Variants in PTPN13 observed in about 807,000 individuals in gnomAD.
PTPN13 encodes protein tyrosine phosphatase non-receptor type 13, also known as tyrosine-protein phosphatase non-receptor type 13.
In PTPN13, 191 loss-of-function variants were observed where a neutral mutation model predicts 284.0. The observed-to-expected ratio is 0.67, with a 90% CI of 0.60 to 0.76. The LOEUF is 0.76. Ranked by LOEUF, PTPN13 falls within the 30% of genes least tolerant of loss-of-function variation. PTPN13 has a pLI of 0.00. For synonymous variants in PTPN13, 986 were observed against 1,022.3 expected, an observed-to-expected ratio of 0.96 and a Z score of 0.68; for missense variants, 2,797 against 2,939.9, an observed-to-expected ratio of 0.95 and a Z score of 1.12.
At position 86,807,833 on chromosome 4, in the gene PTPN13, C is replaced by A; in HGVS notation, c.7019C>A (p.Ala2340Asp). 6.2e-7 allele frequency: 1 copy of A among 1,613,998 alleles called. No individual in the cohort carries two copies. Among genetic ancestry groups the A allele is most frequent in the Non-Finnish European group, 8.5e-7 (1 of 1,179,894 alleles). Residue 2340 changes from alanine (A) to aspartate (D), a missense_variant, in exon 45 of 48, where the codon GCT becomes GAT. Ala to Asp is a moderately radical substitution (Grantham distance 126). Coordinates refer to ENST00000411767, the MANE Select transcript of PTPN13 (RefSeq NM_080683.3). ...ATGGTCAGCAACAGACTTCGACTGG[C>A]TCTTGTGAGAATGCAGCAGCTGAAG... ...TTMVSNRLRL[A>D]LVRMQQLKGF...
chr4:86,779,095 A>G (rs888160674), intron 35 of PTPN13, among the ~76,000 whole-genome samples: 6 of 151,944 alleles, frequency 3.9e-5, no homozygotes, highest in African/African-American at 1.4e-4. Flanking sequence ...ACAAAGAAAA[A>G]CAGAGATAAT....
Position 86,771,174 on chromosome 4 carries a change from C to A in PTPN13, c.4807C>A (p.Pro1603Thr). ...LPEIDTALLT[P>T]LQSPAQVLPN... The stretch of plus-strand genomic sequence containing the variant: ...TCTTTAAATGTGTCCATTACAGACC[C>A]CACTTCAGTCTCCAGCACAAGTACT... Residue 1603 changes from proline (P) to threonine (T), a missense_variant, in exon 31 of 48, where the codon CCA becomes ACA. By Grantham distance (38) the Pro-to-Thr change is conservative. Coordinates refer to ENST00000411767, the MANE Select transcript of PTPN13 (RefSeq NM_080683.3). 6.2e-7 allele frequency: 1 copy of A among 1,607,814 alleles called. No individual in the cohort carries two copies. Among genetic ancestry groups the A allele is most frequent in the Non-Finnish European group, 8.5e-7 (1 of 1,176,624 alleles).
chr4:86,811,186 TTC>T (rs1745183557), intron 47 of PTPN13, 78 bp downstream of exon 47: 2 of 1,378,428 alleles, frequency 1.5e-6, no homozygotes, highest in Non-Finnish European at 9.8e-7. Flanking sequence ...TAAACCATTT[TTC>T]TTTTTTGAGA....
At chr4:86,618,944 G>A (rs1248427759) in intron 1 of PTPN13, among the ~76,000 whole-genome samples, 1 of 152,134 alleles carries the variant, frequency 6.6e-6, no homozygotes, top group Non-Finnish European at 1.5e-5. Context: ...GATTGCCCCT[G>A]GCCAGAACTT....
chr4:86,808,267 A>G (rs1391589018), intron 45 of PTPN13, among the ~76,000 whole-genome samples: 1 of 152,230 alleles, frequency 6.6e-6, no homozygotes, highest in Non-Finnish European at 1.5e-5. Context: ...TAAAATCTTT[A>G]AGTAGAAAAT....
intron 5 of PTPN13, among the ~76,000 whole-genome samples, chr4:86,693,220 G>T (rs1426291132): frequency 1.3e-5 from 2 of 152,016 alleles, no homozygotes; most frequent in African/African-American, 4.8e-5. Flanking sequence ...AATTAATGTG[G>T]TTTTTAAATT....
chr4:86,776,359 C>G (rs1740643898), intron 35 of PTPN13, among the ~76,000 whole-genome samples: 1 of 152,180 alleles, frequency 6.6e-6, no homozygotes, highest in East Asian at 1.9e-4. Flanking sequence ...TTATTTCCTC[C>G]TCCCTGTTAT....
chr4:86,727,490 A>C (rs1324904227), intron 10 of PTPN13, among the ~76,000 whole-genome samples: 1 of 149,064 alleles, frequency 6.7e-6, no homozygotes, highest in Admixed American at 6.7e-5. Context: ...TCAATTTCAG[A>C]GCCTGTTATT....
intron 16 of PTPN13, 63 bp downstream of exon 16, chr4:86,741,879 A>T (rs190036631): frequency 2.2e-6 from 3 of 1,392,014 alleles, no homozygotes; most frequent in East Asian, 2.5e-5. Context: ...CCAATGTAAC[A>T]TATTAACAGA....
At chr4:86,638,811 A>C (rs866367354) in intron 2 of PTPN13, among the ~76,000 whole-genome samples, 24 of 152,322 alleles carry the variant, frequency 1.6e-4, no homozygotes, top group African/African-American at 5.8e-4. Flanking sequence ...AATGGCAACA[A>C]AAGCCAAAAT....
intron 1 of PTPN13, among the ~76,000 whole-genome samples, chr4:86,624,835 A>G (rs2148676448): frequency 6.6e-6 from 1 of 152,282 alleles, no homozygotes; most frequent in Non-Finnish European, 1.5e-5. Flanking sequence ...AAAAAGCAAC[A>G]AAAAAGCTTT....
At chr4:86,639,497 A>T (rs930114792) in intron 2 of PTPN13, among the ~76,000 whole-genome samples, 5 of 152,080 alleles carry the variant, frequency 3.3e-5, no homozygotes, top group Non-Finnish European at 7.4e-5. Flanking sequence ...CTATGCAGCC[A>T]TAAAAAAATG....
chr4:86,665,093 G>T (rs766323384), intron 2 of PTPN13, among the ~76,000 whole-genome samples: 1 of 152,002 alleles, frequency 6.6e-6, no homozygotes, highest in Non-Finnish European at 1.5e-5. Flanking sequence ...TTAGTGTTTT[G>T]TTGCCAAGTA....
At chr4:86,656,596 A>C (rs1000908496) in intron 2 of PTPN13, among the ~76,000 whole-genome samples, 7 of 152,144 alleles carry the variant, frequency 4.6e-5, no homozygotes, top group Non-Finnish European at 8.8e-5. Context: ...GCTTTGTCTG[A>C]GAGGAGTACC....
chr4:86,759,058 G>C lies in PTPN13; in HGVS notation c.3538G>C (p.Glu1180Gln). The change falls in exon 23 of 48, where the codon GAA becomes CAA. Residue 1180 changes from glutamate (E) to glutamine (Q), a missense_variant. Physicochemically the swap from Glu to Gln is conservative, Grantham distance 29. Transcript: ENST00000411767. ...GACACTTGTTATCTCTCAGCCAAAA[G>C]AAAAGATATCCAAAGGTAATGTGAA... ...DVTLVISQPK[E>Q]KISKVPSTPV... is the part of the protein sequence containing the mutation. 6.2e-7 allele frequency: 1 copy of C among 1,612,968 alleles called. No individual in the cohort carries two copies. The highest frequency in any genetic ancestry group is 8.5e-7 in the Non-Finnish European group (1 of 1,179,450).
intron 7 of PTPN13, among the ~76,000 whole-genome samples, chr4:86,714,536 T>TG (rs553483620): frequency 6.8e-4 from 104 of 151,914 alleles, no homozygotes; most frequent in Non-Finnish European, 1.0e-3. Context: ...CATTCTTCTG[T>TG]GGGGGGGAAA....
chr4:86,705,944 TA>T (rs1400028594), intron 7 of PTPN13, among the ~76,000 whole-genome samples: 1 of 152,152 alleles, frequency 6.6e-6, no homozygotes, highest in Non-Finnish European at 1.5e-5. Context: ...ATTGAGTTAA[TA>T]AACAGTTTTC....
intron 17 of PTPN13, among the ~76,000 whole-genome samples, chr4:86,750,263 A>C (rs1161019517): frequency 1.3e-5 from 2 of 152,226 alleles, no homozygotes. Flanking sequence ...TGCAACTAAG[A>C]GAAAGCTAAA....
chr4:86,787,285 C>G (rs1742042832), intron 40 of PTPN13, among the ~76,000 whole-genome samples: 1 of 151,942 alleles, frequency 6.6e-6, no homozygotes, highest in African/African-American at 2.4e-5. Context: ...AAGTTTCCAA[C>G]AGAATCTTCA....
Sources: allele counts gnomAD v4.1 joint callset (sites outside exome capture counted in the v4.1 genomes callset), GRCh38; gene constraint gnomAD v4.1.1; transcripts MANE v1.5; gene names NCBI Gene and HGNC (gene_info 2026-07-23, HGNC 2026-07-21).